ABCA13: variants seen among roughly 807,000 people sequenced by gnomAD.
ABCA13 encodes ATP binding cassette subfamily A member 13.
ABCA13 carries 476 observed loss-of-function variants against 478.7 expected under a neutral mutation model. The observed-to-expected ratio is 0.99, with a 90% CI of 0.92 to 1.07. ABCA13 has a LOEUF of 1.07. ABCA13 is among the 50% of genes least tolerant of loss of function. The pLI is 0.00. For missense variants in ABCA13, 6,060 were observed against 5,910.6 expected (o/e 1.03, Z -0.83); for synonymous variants, 2,252 against 2,158.9 (o/e 1.04, Z -1.20).
rs565896143 is a variant in ABCA13, at chr7:48,289,708, G to A, written c.8955+1630G>A. On this transcript the variant is annotated intron_variant, in intron 20 of 61. Transcript: ENST00000435803. ...GAGTGAAGGTTATAATAATAAAATA[G>A]TCAAGAGACTCCAGCTTTCAGAGCA... Among the ~76,000 whole-genome samples the A allele has an allele frequency of 2.0e-5, 3 of 152,268 alleles. No individual in the cohort carries two copies. In the South Asian group the frequency reaches 6.2e-4, roughly 32 times the overall value.
Position 48,227,309 on chromosome 7 carries a change from C to T in ABCA13, c.516C>T (p.Leu172=). 6 of 1,613,750 alleles carry T rather than the reference C, an allele frequency of 3.7e-6. No individual in the cohort carries two copies. Among genetic ancestry groups the T allele is most frequent in the Non-Finnish European group, 5.1e-6 (6 of 1,179,818 alleles). Residue 172 remains leucine (L), a synonymous_variant, in exon 6 of 62, where the codon CTC becomes CTT. Coordinates refer to ENST00000435803, the MANE Select transcript of ABCA13 (RefSeq NM_152701.5). ...TEEVILKLES[L]HQQPHIWDFL... The stretch of plus-strand genomic sequence containing the variant: ...AGGTAATATTGAAACTGGAAAGCCT[C>T]CATCAGCAGCCTCATATCTGGGATT...
chr7:48,529,523 C>T (rs1266617135), intron 55 of ABCA13, among the ~76,000 whole-genome samples: 2 of 152,152 alleles, frequency 1.3e-5, no homozygotes, highest in Non-Finnish European at 2.9e-5. Context: ...GGTTGAGATG[C>T]GACCTCCAGC....
chr7:48,583,329 G>T (rs1318461123), intron 56 of ABCA13, among the ~76,000 whole-genome samples: 1 of 152,048 alleles, frequency 6.6e-6, no homozygotes, highest in African/African-American at 2.4e-5. Flanking sequence ...GAAGGGCCAG[G>T]ATAAACATTT....
At chr7:48,541,972 G>A (rs573239022) in intron 55 of ABCA13, among the ~76,000 whole-genome samples, 12 of 150,606 alleles carry the variant, frequency 8.0e-5, no homozygotes, top group Non-Finnish European at 5.9e-5. Context: ...TTATGCAAAT[G>A]AAAACAAAAC....
intron 3 of ABCA13, among the ~76,000 whole-genome samples, chr7:48,203,913 C>G (rs1002172431): frequency 6.6e-5 from 10 of 152,170 alleles, no homozygotes; most frequent in African/African-American, 1.9e-4. Context: ...CCATTTCCTA[C>G]TGGTCTCATT....
intron 38 of ABCA13, among the ~76,000 whole-genome samples, chr7:48,394,944 T>C (rs1816629282): frequency 6.6e-6 from 1 of 152,074 alleles, no homozygotes; most frequent in Admixed American, 6.6e-5. Flanking sequence ...CTTGGTTGTA[T>C]GGTGAAGGGT....
At chr7:48,226,069 G>A (rs1788162985) in intron 5 of ABCA13, among the ~76,000 whole-genome samples, 1 of 152,184 alleles carries the variant, frequency 6.6e-6, no homozygotes, top group African/African-American at 2.4e-5. Flanking sequence ...CATTAGAGTT[G>A]GGGAACTGTA....
chr7:48,552,217 C>G (rs1785392584), intron 55 of ABCA13, among the ~76,000 whole-genome samples: 1 of 151,668 alleles, frequency 6.6e-6, no homozygotes, highest in Non-Finnish European at 1.5e-5. Flanking sequence ...ACATTCCTTT[C>G]CTTGGGTTTT....
At position 48,367,799 on chromosome 7, in the gene ABCA13, T is replaced by C; in HGVS notation, c.10694T>C (p.Leu3565Pro). ...PYPCHTSDLF[L>P]NNVGFFFPLI... The stretch of plus-strand genomic sequence containing the variant: ...ACTGAATTATCCCCTTACAGATTCC[T>C]GAACAACGTTGGTTTCTTTTTTCCA... Residue 3565 changes from leucine to proline, a missense_variant, in exon 32 of 62, where the codon CTG becomes CCG. Leu to Pro is a moderately conservative substitution (Grantham distance 98, BLOSUM62 -3). This residue lies in a region of ABCA13 where 4,423 missense variants were observed against 4,309.1 expected (regional missense o/e 1.03). Transcript: ENST00000435803. 6.4e-7 allele frequency: 1 copy of C among 1,561,132 alleles called. No homozygotes were observed.
intron 7 of ABCA13, among the ~76,000 whole-genome samples, chr7:48,232,599 G>A (rs1381371314): frequency 6.6e-6 from 1 of 152,120 alleles, no homozygotes; most frequent in African/African-American, 2.4e-5. Context: ...GCCTCATGTG[G>A]CTTTAGGCTA....
At chr7:48,238,681 G>T (rs1790342445) in intron 8 of ABCA13, among the ~76,000 whole-genome samples, 1 of 152,282 alleles carries the variant, frequency 6.6e-6, no homozygotes, top group East Asian at 1.9e-4. Flanking sequence ...TGTTAGCCAG[G>T]ATGGTCTCTA....
intron 11 of ABCA13, among the ~76,000 whole-genome samples, chr7:48,244,989 A>T (rs914472035): frequency 9.9e-5 from 15 of 152,116 alleles, no homozygotes; most frequent in Admixed American, 9.8e-4. Context: ...GTTGACTTTC[A>T]CATTCACGGC....
chr7:48,372,468 C>T lies in ABCA13; in HGVS notation c.11104C>T (p.Gln3702Ter). 1.3e-6 allele frequency: 2 copies of T among 1,510,524 alleles called. No homozygotes were observed. Among genetic ancestry groups the T allele is most frequent in the Non-Finnish European group, 1.8e-6 (2 of 1,118,596 alleles). The allele number at this position is 1,510,524 out of a possible 1,614,324, so 93.6% of individuals were successfully genotyped here. ...CATAGTTCTATTGGTTCTACATAACCAATTAAGTTTTGTTAATCAGACATT... is the reference window on the plus strand; with the variant it reads ...CATAGTTCTATTGGTTCTACATAACTAATTAAGTTTTGTTAATCAGACATT... Reference protein sequence around the residue: ...PYIVLLVLHNQLSFVNQTFLC... With the variant: ...PYIVLLVLHN Residue 3702 changes from glutamine to a stop codon, truncating the protein, a stop_gained, in exon 33 of 62, where the codon CAA (glutamine) becomes TAA (stop). Coordinates refer to ENST00000435803, the MANE Select transcript of ABCA13 (RefSeq NM_152701.5). LOFTEE classifies it high-confidence loss of function.
intron 40 of ABCA13, 41 bp downstream of exon 40, chr7:48,410,718 C>T: frequency 6.3e-7 from 1 of 1,580,996 alleles, no homozygotes; most frequent in Non-Finnish European, 8.6e-7. Context: ...AGTCCCATTT[C>T]TGTCTGTGGC....
At chr7:48,634,504 G>T (rs1228241179) in intron 59 of ABCA13, among the ~76,000 whole-genome samples, 1 of 151,422 alleles carries the variant, frequency 6.6e-6, no homozygotes, top group Non-Finnish European at 1.5e-5. Context: ...TTTTTTCTTG[G>T]TCAATTATGC....
chr7:48,293,204 C>CCCCCAA (rs1554419805), intron 20 of ABCA13, among the ~76,000 whole-genome samples: 2 of 131,444 alleles, frequency 1.5e-5, no homozygotes, highest in East Asian at 2.4e-4. Flanking sequence ...CCCCCCCCCG[C>CCCCCAA]CACACACACA....
chr7:48,233,938 G>C, intron 7 of ABCA13, 80 bp from the exon 8 acceptor site: 1 of 1,509,926 alleles, frequency 6.6e-7, no homozygotes, highest in African/African-American at 1.4e-5. Flanking sequence ...GGTGAAAAAA[G>C]GTATTTTTTT....
chr7:48,559,863 T>A (rs373310406), intron 55 of ABCA13, among the ~76,000 whole-genome samples: 31 of 152,302 alleles, frequency 2.0e-4, no homozygotes, highest in African/African-American at 7.2e-4. Context: ...CCTCATGAAT[T>A]TGCCTGGTGC....
At chr7:48,540,709 T>C (rs1184117805) in intron 55 of ABCA13, among the ~76,000 whole-genome samples, 1 of 152,148 alleles carries the variant, frequency 6.6e-6, no homozygotes, top group Non-Finnish European at 1.5e-5. Flanking sequence ...ACTTTCCTGT[T>C]TAATTTACTA....
Sources: allele counts gnomAD v4.1 joint callset (sites outside exome capture counted in the v4.1 genomes callset), GRCh38; gene constraint gnomAD v4.1.1; regional missense constraint gnomAD v4.1.1; transcripts MANE v1.5; gene names NCBI Gene and HGNC (gene_info 2026-07-23, HGNC 2026-07-21).